Variants in CDC42SE2 observed in about 807,000 individuals in gnomAD.
CDC42SE2 encodes the protein CDC42 small effector protein 2.
CDC42SE2 carries 3 observed loss-of-function variants against 11.5 expected under a neutral mutation model. The ratio of observed to expected loss-of-function variants is 0.26; its 90% CI spans 0.12 to 0.67. CDC42SE2 has a LOEUF of 0.67. CDC42SE2 is among the 30% of genes least tolerant of loss of function. CDC42SE2 has a pLI of 0.80. For missense variants in CDC42SE2, 82 were observed against 106.8 expected (o/e 0.77, Z 1.02); for synonymous variants, 33 against 34.8 (o/e 0.95, Z 0.18).
chr5:131,287,187 G>T (rs1757358849), intron 1 of CDC42SE2, among the ~76,000 whole-genome samples: 1 of 151,968 alleles, frequency 6.6e-6, no homozygotes, highest in South Asian at 2.1e-4. Flanking sequence ...TAGAGACTGG[G>T]TTTCACCATG....
intron 1 of CDC42SE2, among the ~76,000 whole-genome samples, chr5:131,283,147 G>A (rs1374281762): frequency 6.6e-6 from 1 of 151,152 alleles, no homozygotes; most frequent in Non-Finnish European, 1.5e-5. Flanking sequence ...GGCTGGTCTC[G>A]AACTCCTGAC....
chr5:131,247,753 C>T (rs1053504762), intron 1 of CDC42SE2, among the ~76,000 whole-genome samples: 6 of 152,008 alleles, frequency 3.9e-5, no homozygotes, highest in South Asian at 2.1e-4. Flanking sequence ...GTGATACTCT[C>T]GCCTCAGCCT....
At chr5:131,368,088 C>T (rs1432419559) in intron 3 of CDC42SE2, among the ~76,000 whole-genome samples, 2 of 151,776 alleles carry the variant, frequency 1.3e-5, no homozygotes, top group East Asian at 3.9e-4. Flanking sequence ...CCTGTCTCTA[C>T]TAAAAATACA....
At chr5:131,262,811 C>G (rs1363379297), upstream of CDC42SE2, among the ~76,000 whole-genome samples, 1 of 151,592 alleles carries the variant, frequency 6.6e-6, no homozygotes, top group Admixed American at 6.6e-5. Context: ...TTTTTTTTCC[C>G]AAATATTTTC....
intron 1 of CDC42SE2, among the ~76,000 whole-genome samples, chr5:131,249,563 T>C (rs114481710): frequency 6.6e-6 from 1 of 152,320 alleles, no homozygotes; most frequent in African/African-American, 2.4e-5. Context: ...AGAAACTGGA[T>C]TCCTACCTGG....
intron 1 of CDC42SE2, among the ~76,000 whole-genome samples, chr5:131,311,502 T>G (rs1435313351): frequency 1.3e-5 from 2 of 151,822 alleles, no homozygotes; most frequent in African/African-American, 4.8e-5. Context: ...CTTGCTAGAT[T>G]GGGGAAGTTC....
chr5:131,282,406 T>G (rs1031058006), intron 1 of CDC42SE2, among the ~76,000 whole-genome samples: 1 of 152,212 alleles, frequency 6.6e-6, no homozygotes, highest in Non-Finnish European at 1.5e-5. Context: ...TGGTGCTTGT[T>G]CAGACCTGAG....
chr5:131,341,781 A>C (rs1758716483), intron 2 of CDC42SE2, among the ~76,000 whole-genome samples: 2 of 152,178 alleles, frequency 1.3e-5, no homozygotes, highest in African/African-American at 4.8e-5. Flanking sequence ...TTATTTAAGA[A>C]AAGATAGGAC....
At chr5:131,334,958 T>C (rs961615714) in intron 2 of CDC42SE2, among the ~76,000 whole-genome samples, 7 of 152,114 alleles carry the variant, frequency 4.6e-5, no homozygotes, top group Non-Finnish European at 5.9e-5. Flanking sequence ...TTTTGTGTCT[T>C]TGTTTCCTTC....
At chr5:131,345,799 T>C (rs1758827536) in intron 2 of CDC42SE2, among the ~76,000 whole-genome samples, 1 of 152,208 alleles carries the variant, frequency 6.6e-6, no homozygotes, top group Non-Finnish European at 1.5e-5. Context: ...ACAGCAGATC[T>C]CTTGGCAGAA....
At chr5:131,273,035 G>A (rs1025049970) in intron 1 of CDC42SE2, among the ~76,000 whole-genome samples, 10 of 151,928 alleles carry the variant, frequency 6.6e-5, no homozygotes, top group Non-Finnish European at 1.3e-4. Context: ...TAAAAAATGA[G>A]GCAGTGTTTC....
the CDC42SE2 span, among the ~76,000 whole-genome samples, chr5:131,220,921 GC>G: frequency 7.8e-6 from 1 of 128,330 alleles, no homozygotes; most frequent in African/African-American, 3.3e-5. Flanking sequence ...GTTTCACCCT[GC>G]CGCCTAGGCT....
intron 2 of CDC42SE2, among the ~76,000 whole-genome samples, chr5:131,349,806 A>G (rs553487942): frequency 6.6e-5 from 10 of 152,256 alleles, no homozygotes; most frequent in East Asian, 1.9e-4. Flanking sequence ...TCAAATGCAT[A>G]TGCAGTTATT....
chr5:131,387,172 A>G (rs914177902), intron 4 of CDC42SE2, among the ~76,000 whole-genome samples: 4 of 152,192 alleles, frequency 2.6e-5, no homozygotes, highest in Admixed American at 2.6e-4. Context: ...GAGAATGGGT[A>G]GTTTCAAATT....
At position 131,299,695 on chromosome 5, in the gene CDC42SE2, C is replaced by T. The variant is rs186575235; in HGVS notation, c.-454-16281C>T. Among the ~76,000 whole-genome samples, 204 of 151,256 alleles carry T rather than the reference C, an allele frequency of 1.3e-3. 1 individual carries two copies. Among genetic ancestry groups the T allele is most frequent in the African/African-American group, 4.8e-3 (196 of 40,588 alleles). On this transcript the variant is annotated intron_variant, in intron 1 of 4. Coordinates refer to ENST00000505065, the MANE Select transcript of CDC42SE2 (RefSeq NM_001375635.1). ...AGGCTGGAGAGCTTTGGGCTGGAGA[C>T]AGCTGTGGGCTGGAAATGTAGATTT...
chr5:131,276,670 T>A (rs1270433499), intron 1 of CDC42SE2, among the ~76,000 whole-genome samples: 1 of 152,130 alleles, frequency 6.6e-6, no homozygotes, highest in Non-Finnish European at 1.5e-5. Context: ...TATATATCTT[T>A]ACAGTTTTTG....
At chr5:131,283,211 G>A (rs1481520280) in intron 1 of CDC42SE2, among the ~76,000 whole-genome samples, 2 of 152,172 alleles carry the variant, frequency 1.3e-5, no homozygotes, top group African/African-American at 4.8e-5. Flanking sequence ...ACAGGCATGA[G>A]CCACTGCGCC....
At chr5:131,352,701 G>A (rs1029947185) in intron 2 of CDC42SE2, among the ~76,000 whole-genome samples, 3 of 152,254 alleles carry the variant, frequency 2.0e-5, no homozygotes, top group Admixed American at 6.5e-5. Context: ...TGTACCACAC[G>A]TGAGTATCAA....
chr5:131,349,025 A>G (rs1758930202), intron 2 of CDC42SE2, among the ~76,000 whole-genome samples: 1 of 152,184 alleles, frequency 6.6e-6, no homozygotes, highest in Non-Finnish European at 1.5e-5. Context: ...TAGACCTAAA[A>G]CCATAAAAAC....
Sources: gnomAD v4.1 joint callset for allele counts (sites outside exome capture counted in the v4.1 genomes callset) on GRCh38, gnomAD v4.1.1 for gene constraint, MANE v1.5 for transcripts, NCBI Gene and HGNC (gene_info 2026-07-23, HGNC 2026-07-21) for gene names.